The following ALG1 variants were observed in gnomAD, a reference collection of about 807,000 sequenced individuals.
ALG1 encodes chitobiosyldiphosphodolichol beta-mannosyltransferase.
Under a neutral mutation model 55.1 loss-of-function variants are expected in ALG1, and 58 were observed. That is an observed-to-expected ratio of 1.05 (90% CI 0.85 to 1.31). The LOEUF is 1.31. ALG1 is among the 50% of genes most tolerant of loss of function. ALG1 has a pLI of 0.00. For missense variants in ALG1, 761 were observed against 598.6 expected, an observed-to-expected ratio of 1.27 and a Z score of -2.83; for synonymous variants, 309 against 247.0, an observed-to-expected ratio of 1.25 and a Z score of -2.35.
intron 3 of ALG1, 149 bp downstream of exon 3, chr16:5,073,405 A>T (rs1472573092): frequency 2.8e-6 from 2 of 708,416 alleles, no homozygotes; most frequent in Non-Finnish European, 5.0e-6. Flanking sequence ...GTATGTGTCT[A>T]TTTATGGCAC....
chr16:5,081,801 A>G (rs1384182614), intron 10 of ALG1, among the ~76,000 whole-genome samples: 2 of 151,784 alleles, frequency 1.3e-5, no homozygotes. Flanking sequence ...ACCTCAAGTG[A>G]TCCTCCTGCC....
chr16:5,082,643 G>A lies in ALG1; in HGVS notation c.1157G>A (p.Cys386Tyr), dbSNP rs1567171525. 6 of 1,611,818 alleles carry A rather than the reference G, an allele frequency of 3.7e-6. No individual in the cohort carries two copies. The highest frequency in any genetic ancestry group is 5.1e-6 in the Non-Finnish European group (6 of 1,179,828). Reference protein sequence around the residue: ...PMKVVDMFGCCLPVCAVNFKC... With the variant: ...PMKVVDMFGCYLPVCAVNFKC... ...AAGGTGGTGGACATGTTCGGGTGCT[G>A]TTTGCCTGTGTGTGCTGTGAACTTC... The change falls in exon 11 of 13, where the codon TGT becomes TAT. Residue 386 changes from cysteine to tyrosine, a missense_variant. Transcript: ENST00000262374.
rs567329568 is a variant in ALG1 at position 5,085,131 on chromosome 16, C to T, written c.*250C>T. 13 of 664,306 alleles carry T rather than the reference C, an allele frequency of 2.0e-5. No homozygotes were observed. The highest frequency in any genetic ancestry group is 1.1e-4 in the African/African-American group (6 of 55,206). 41.2% of individuals were successfully genotyped at this position (664,306 alleles called of 1,614,324 possible). A position where few individuals can be genotyped will look rare whatever the true frequency, so the allele number is the denominator to read the frequency against. On this transcript the variant is annotated 3_prime_UTR_variant, in exon 13 of 13. Transcript: ENST00000262374. The stretch of plus-strand genomic sequence containing the variant: ...TCTTCACGCCCCATGCCCCTGCTAG[C>T]GTATTACTGTTCTGTGACTTCCCTG...
chr16:5,077,442 C>T lies in ALG1; in HGVS notation c.540-3C>T. ...TCTGCTGACTGCTGATCTCTCTTTT[C>T]AGGTACGAGAAGTTCTTTGGGCGCC... is the stretch of plus-strand genomic sequence containing the variant. On this transcript the variant is annotated splice_polypyrimidine_tract_variant and splice_region_variant and intron_variant, in intron 4 of 12. Coordinates refer to ENST00000262374, the MANE Select transcript of ALG1 (RefSeq NM_019109.5). 6.2e-7 allele frequency: 1 copy of T among 1,613,926 alleles called. No homozygotes were observed.
intron 3 of ALG1, among the ~76,000 whole-genome samples, chr16:5,073,609 TA>T (rs1422975139): frequency 6.6e-6 from 1 of 152,252 alleles, no homozygotes; most frequent in Non-Finnish European, 1.5e-5. Flanking sequence ...GCTCTGTAAG[TA>T]GCCCATCGCC....
Position 5,085,315 on chromosome 16 carries a change from T to G in ALG1, c.*434T>G. The stretch of plus-strand genomic sequence containing the variant: ...GGGCTTGGCTTTGTGAGGAACTGAG[T>G]GTGTCCACGTTGGGGGAACATCATA... On this transcript the variant is annotated 3_prime_UTR_variant, in exon 13 of 13. Transcript: ENST00000262374. 2.0e-6 allele frequency: 1 copy of G among 490,970 alleles called. No individual in the cohort carries two copies. The highest frequency in any genetic ancestry group is 2.1e-5 in the South Asian group (1 of 46,940). The allele number at this position is 490,970 out of a possible 1,614,324, so 30.4% of individuals were successfully genotyped here. A position where few individuals can be genotyped will look rare whatever the true frequency, so the allele number is the denominator to read the frequency against.
At chr16:5,080,318 G>C (rs997931239) in intron 9 of ALG1, among the ~76,000 whole-genome samples, 72 of 152,222 alleles carry the variant, frequency 4.7e-4, no homozygotes, top group African/African-American at 1.6e-3. Context: ...ACCCGCCTTG[G>C]CCTCCCAATA....
At chr16:5,082,323 AAC>A (rs904183972) in intron 10 of ALG1, among the ~76,000 whole-genome samples, 5 of 140,326 alleles carry the variant, frequency 3.6e-5, no homozygotes, top group African/African-American at 5.0e-5. Flanking sequence ...AAAACAAAAC[AAC>A]ACAACAACAA....
At chr16:5,083,780 C>T in intron 12 of ALG1, 23 bp downstream of exon 12, 2 of 1,597,584 alleles carry the variant, frequency 1.3e-6, no homozygotes, top group Non-Finnish European at 1.7e-6. Flanking sequence ...GCCACCACGC[C>T]AGGGTGGGGA....
chr16:5,083,454 C>T (rs1957051455), intron 11 of ALG1, among the ~76,000 whole-genome samples: 1 of 152,128 alleles, frequency 6.6e-6, no homozygotes, highest in South Asian at 2.1e-4. Flanking sequence ...GTACAAACCC[C>T]CCTTAAGGCT....
chr16:5,082,728 G>C lies in ALG1; in HGVS notation c.1187+55G>C, dbSNP rs1785234358. On this transcript the variant is annotated intron_variant, in intron 11 of 12. Transcript: ENST00000262374. ...ATAGCTTTGCAGATCCACCGCTGAG[G>C]GGGAAGCAGTGCAGAGGGAGCTGCC... The C allele has an allele frequency of 1.9e-6, 3 of 1,601,432 alleles. No individual in the cohort carries two copies. In the South Asian group the frequency reaches 3.3e-5, roughly 18 times the overall value.
chr16:5,072,142 GTGC>G, intron 1 of ALG1, 85 bp downstream of exon 1: 1 of 1,547,304 alleles, frequency 6.5e-7, no homozygotes, highest in Non-Finnish European at 8.7e-7. Flanking sequence ...CGAGGCGGAA[GTGC>G]TCCTTTAGTC....
rs1160141262 is a variant in ALG1, at chr16:5,086,250, G to C, written c.*1369G>C. On this transcript the variant is annotated 3_prime_UTR_variant, in exon 13 of 13. Transcript: ENST00000262374. ...CTTGGGAGGCTGAGGTGGGAGAATT[G>C]CTTGAACCCAGGAGGTGGAGGTTGC... Among the ~76,000 whole-genome samples the C allele has an allele frequency of 3.3e-5, 5 of 150,186 alleles. No homozygotes were observed. The highest frequency in any genetic ancestry group is 7.4e-5 in the Non-Finnish European group (5 of 67,684).
chr16:5,071,942 G>C lies in ALG1; in HGVS notation c.93G>C (p.Ala31=). The change falls in exon 1 of 13, where the codon GCG becomes GCC. Residue 31 remains alanine, a synonymous_variant. Coordinates refer to ENST00000262374, the MANE Select transcript of ALG1 (RefSeq NM_019109.5). ...GGAAGCGCTGGCGCCGGGGGCGGGC[G>C]GCCCGGCATGTAGTAGCGGTGGTGC... ...GGWKRWRRGR[A]ARHVVAVVLG... 1.3e-6 allele frequency: 2 copies of C among 1,587,610 alleles called. No individual in the cohort carries two copies. Among genetic ancestry groups the C allele is most frequent in the Non-Finnish European group, 1.7e-6 (2 of 1,167,284 alleles).
Position 5,086,273 on chromosome 16 carries a change from T to C in ALG1, c.*1392T>C, listed in dbSNP as rs1239151102. Among the ~76,000 whole-genome samples the C allele has an allele frequency of 6.7e-6, 1 of 150,290 alleles. No individual in the cohort carries two copies. The highest frequency in any genetic ancestry group is 2.0e-4 in the East Asian group (1 of 4,994). On this transcript the variant is annotated 3_prime_UTR_variant, in exon 13 of 13. Coordinates refer to ENST00000262374, the MANE Select transcript of ALG1 (RefSeq NM_019109.5). ...TTGCTTGAACCCAGGAGGTGGAGGT[T>C]GCAGTGAGCTGAGATTGTGCCACTG...
intron 1 of ALG1, 96 bp downstream of exon 1, chr16:5,072,153 G>C: frequency 6.5e-7 from 1 of 1,544,568 alleles, no homozygotes; most frequent in East Asian, 2.5e-5. Flanking sequence ...TGCTCCTTTA[G>C]TCGCCGCCTT....
chr16:5,079,929 A>C, intron 9 of ALG1, 122 bp downstream of exon 9: 1 of 1,324,952 alleles, frequency 7.5e-7, no homozygotes, highest in Non-Finnish European at 1.1e-6. Context: ...GCTCTGCCAT[A>C]GGGTCTTATA....
Position 5,075,484 on chromosome 16 carries a change from A to G in ALG1, c.487A>G (p.Ile163Val). The G allele has an allele frequency of 6.2e-7, 1 of 1,614,156 alleles. No homozygotes were observed. Among genetic ancestry groups the G allele is most frequent in the African/African-American group, 1.3e-5 (1 of 75,030 alleles). Residue 163 changes from isoleucine (I) to valine (V), a missense_variant, in exon 4 of 13, where the codon ATC (isoleucine) becomes GTC (valine). Coordinates refer to ENST00000262374, the MANE Select transcript of ALG1 (RefSeq NM_019109.5). ...TGACTGGCACAACTATGGCTACTCC[A>G]TCATGGGTCTGGTGCATGGCCCCAA... ...VIDWHNYGYS[I>V]MGLVHGPNHP...
At chr16:5,084,483 A>G (rs1957079229) in intron 12 of ALG1, 1 of 596,220 alleles carries the variant, frequency 1.7e-6, no homozygotes, top group Non-Finnish European at 3.0e-6. Flanking sequence ...GGGTGCTCAC[A>G]GGGGAATGGG....
Sources: gnomAD v4.1 joint callset for allele counts (sites outside exome capture counted in the v4.1 genomes callset) on GRCh38, gnomAD v4.1.1 for gene constraint, MANE v1.5 for transcripts, NCBI Gene and HGNC (gene_info 2026-07-23, HGNC 2026-07-21) for gene names.